ARHGEF10: variants seen among roughly 807,000 people sequenced by gnomAD.
ARHGEF10 encodes the protein Rho guanine nucleotide exchange factor 10.
A neutral mutation model predicts 147.4 loss-of-function variants in ARHGEF10; 140 were observed. The observed-to-expected ratio is 0.95, with a 90% confidence interval of 0.83 to 1.09. The LOEUF is 1.09. Among genes scored for constraint, ARHGEF10 ranks in the 50% least tolerant of loss-of-function variants. ARHGEF10 has a pLI of 0.00. For synonymous variants in ARHGEF10, 902 were observed against 695.8 expected (o/e 1.30, Z -4.67); for missense variants, 2,222 against 1,752.7 (o/e 1.27, Z -4.78).
At chr8:1,931,474 G>A (rs1169859507) in intron 25 of ARHGEF10, among the ~76,000 whole-genome samples, 4 of 152,240 alleles carry the variant, frequency 2.6e-5, no homozygotes, top group Admixed American at 1.3e-4. Context: ...CTTGTCAGAC[G>A]CGTTGCATGA....
intron 6 of ARHGEF10, among the ~76,000 whole-genome samples, chr8:1,866,903 T>G (rs950571782): frequency 6.6e-6 from 1 of 151,988 alleles, no homozygotes; most frequent in African/African-American, 2.4e-5. Flanking sequence ...ACAGAAACTC[T>G]GACCTGCAGC....
chr8:1,907,125 C>T (rs1810960021), intron 17 of ARHGEF10, among the ~76,000 whole-genome samples: 1 of 152,202 alleles, frequency 6.6e-6, no homozygotes, highest in Non-Finnish European at 1.5e-5. Context: ...GTGTGGGCTG[C>T]TCTAGAGGAT....
At chr8:1,941,874 G>A (rs554530319) in intron 26 of ARHGEF10, among the ~76,000 whole-genome samples, 55 of 150,940 alleles carry the variant, frequency 3.6e-4, no homozygotes, top group African/African-American at 1.2e-3. Flanking sequence ...AACAGGTGCT[G>A]CTGGCACAAC....
rs1808852397 is a variant in ARHGEF10, at chr8:1,888,038, A to AG, written c.1182+2334dup. Among the ~76,000 whole-genome samples the AG allele has an allele frequency of 3.0e-5, 4 of 133,314 alleles. No individual in the cohort carries two copies. In the East Asian group the frequency reaches 1.1e-3, roughly 37 times the overall value. 87.5% of individuals were successfully genotyped at this position (133,314 alleles called of 152,430 possible). A position where few individuals can be genotyped will look rare whatever the true frequency, so the allele number is the denominator to read the frequency against. On this transcript the variant is annotated intron_variant, in intron 11 of 28. Transcript: ENST00000349830. The stretch of plus-strand genomic sequence containing the variant: ...TTGTTAGGAGGCACTGAGTAGGGTG[A>AG]GGGTTGTTAGGAGACAGTGAGTGGG...
chr8:1,907,346 CA>C (rs1273316411), intron 17 of ARHGEF10, among the ~76,000 whole-genome samples: 2 of 152,210 alleles, frequency 1.3e-5, no homozygotes, highest in Non-Finnish European at 2.9e-5. Context: ...CCCAGCTCCT[CA>C]CCTGCAAGTT....
chr8:1,826,624 A>G (rs1422313669), intron 1 of ARHGEF10, among the ~76,000 whole-genome samples: 4 of 152,184 alleles, frequency 2.6e-5, no homozygotes, highest in Admixed American at 2.0e-4. Flanking sequence ...GCTTAAAACA[A>G]AGATGTTTGG....
chr8:1,863,700 TG>T (rs1404326623), intron 4 of ARHGEF10, among the ~76,000 whole-genome samples: 139 of 152,252 alleles, frequency 9.1e-4, no homozygotes, highest in African/African-American at 3.2e-3. Flanking sequence ...CGTCTCAGGC[TG>T]TCCTTGGATG....
chr8:1,901,795 C>T (rs910789992), intron 15 of ARHGEF10, among the ~76,000 whole-genome samples: 3 of 152,180 alleles, frequency 2.0e-5, no homozygotes, highest in African/African-American at 7.2e-5. Flanking sequence ...TGATAGAATT[C>T]GTTGTGACTC....
At chr8:1,891,239 A>G (rs547674960) in intron 11 of ARHGEF10, among the ~76,000 whole-genome samples, 29 of 152,274 alleles carry the variant, frequency 1.9e-4, no homozygotes, top group African/African-American at 6.5e-4. Flanking sequence ...CATGATTCAC[A>G]TCGATTTTGT....
At chr8:1,939,222 T>TTC (rs1178017643) in intron 26 of ARHGEF10, among the ~76,000 whole-genome samples, 1 of 152,246 alleles carries the variant, frequency 6.6e-6, no homozygotes, top group Admixed American at 6.5e-5. Flanking sequence ...TGGCCCAGTG[T>TTC]TCTTATTTTC....
At chr8:1,888,615 G>A (rs13248782) in intron 11 of ARHGEF10, among the ~76,000 whole-genome samples, 79,373 of 119,268 alleles carry the variant, frequency 0.67, 29,161 homozygotes, top group East Asian at 0.97. Flanking sequence ...GTGTGGTGAG[G>A]TTTGTGAGGA....
chr8:1,858,290 G>A (rs1389953132), intron 3 of ARHGEF10, among the ~76,000 whole-genome samples, 175 bp downstream of exon 3: 2 of 151,104 alleles, frequency 1.3e-5, no homozygotes, highest in Admixed American at 6.6e-5. Context: ...GCAGATCACC[G>A]GCATCAGGGT....
At chr8:1,858,347 C>G (rs539338508) in intron 3 of ARHGEF10, among the ~76,000 whole-genome samples, 3 of 152,090 alleles carry the variant, frequency 2.0e-5, no homozygotes, top group African/African-American at 7.2e-5. Context: ...CCCATTCTTA[C>G]GGCCCAATTG....
chr8:1,841,590 G>A (rs1238094364), intron 1 of ARHGEF10, among the ~76,000 whole-genome samples: 2 of 152,096 alleles, frequency 1.3e-5, no homozygotes, highest in African/African-American at 4.8e-5. Flanking sequence ...GCTCCCTGGG[G>A]GCAGGGAGTA....
At chr8:1,918,730 A>T (rs1203372458) in intron 18 of ARHGEF10, among the ~76,000 whole-genome samples, 1 of 152,190 alleles carries the variant, frequency 6.6e-6, no homozygotes, top group Non-Finnish European at 1.5e-5. Flanking sequence ...GACGTCTTGA[A>T]CCTATTCCTC....
intron 5 of ARHGEF10, 69 bp downstream of exon 5, chr8:1,864,505 C>T: frequency 1.3e-6 from 2 of 1,504,366 alleles, no homozygotes; most frequent in Non-Finnish European, 1.9e-6. Context: ...ACGTGGGGAT[C>T]CTGGTGTGTG....
chr8:1,878,799 G>A (rs1240338018), intron 8 of ARHGEF10, among the ~76,000 whole-genome samples: 1 of 152,212 alleles, frequency 6.6e-6, no homozygotes, highest in Non-Finnish European at 1.5e-5. Flanking sequence ...TCTGGGCAGT[G>A]CCAGTGGTTC....
intron 27 of ARHGEF10, among the ~76,000 whole-genome samples, chr8:1,949,062 T>C (rs1401744503): frequency 6.6e-6 from 1 of 152,208 alleles, no homozygotes; most frequent in East Asian, 1.9e-4. Context: ...CATAAAATTA[T>C]CTTTTTGTGC....
chr8:1,869,812 C>T (rs1323854880), intron 7 of ARHGEF10: 2 of 181,522 alleles, frequency 1.1e-5, no homozygotes, highest in Non-Finnish European at 2.3e-5. Flanking sequence ...CGCTATTCCA[C>T]TGACCCACAG....
Sources: gnomAD v4.1 joint callset for allele counts (sites outside exome capture counted in the v4.1 genomes callset) on GRCh38, gnomAD v4.1.1 for gene constraint, MANE v1.5 for transcripts, NCBI Gene and HGNC (gene_info 2026-07-23, HGNC 2026-07-21) for gene names.